Variants in NPFFR2 observed in about 807,000 individuals in gnomAD.
NPFFR2 encodes neuropeptide FF receptor 2.
NPFFR2 carries 15 observed loss-of-function variants against 13.1 expected under a neutral mutation model. The observed-to-expected ratio is 1.15, with a 90% CI of 0.77 to 1.76. NPFFR2 has a LOEUF of 1.76. NPFFR2 is among the 40% of genes most tolerant of loss of function. The probability of loss-of-function intolerance (pLI) is 0.00; values close to 1 mark genes in which losing one functional copy is unlikely to be tolerated. For missense variants in NPFFR2, 572 were observed against 503.5 expected, an observed-to-expected ratio of 1.14 and a Z score of -1.30; for synonymous variants, 190 against 175.7, an observed-to-expected ratio of 1.08 and a Z score of -0.65.
At chr4:72,098,299 A>T (rs1454514113) in intron 1 of NPFFR2, among the ~76,000 whole-genome samples, 1 of 152,202 alleles carries the variant, frequency 6.6e-6, no homozygotes, top group Non-Finnish European at 1.5e-5. Context: ...GTAAAAAGAG[A>T]TAAAATGGTA....
intron 1 of NPFFR2, among the ~76,000 whole-genome samples, chr4:72,123,264 C>T (rs1721942416): frequency 6.6e-6 from 1 of 152,118 alleles, no homozygotes; most frequent in African/African-American, 2.4e-5. Flanking sequence ...GAAACTGAGG[C>T]AGTAATTAAT....
At chr4:72,061,620 G>A (rs184543093) in intron 1 of NPFFR2, among the ~76,000 whole-genome samples, 1 of 152,182 alleles carries the variant, frequency 6.6e-6, no homozygotes, top group East Asian at 1.9e-4. Flanking sequence ...CCTGACATAT[G>A]TATTTCTTTG....
At chr4:72,106,279 T>A (rs905155319) in intron 1 of NPFFR2, among the ~76,000 whole-genome samples, 7 of 152,112 alleles carry the variant, frequency 4.6e-5, no homozygotes, top group Admixed American at 2.0e-4. Context: ...GAAGGAGAGT[T>A]GGTGTCACTC....
At chr4:72,045,262 A>G (rs948213782) in intron 1 of NPFFR2, among the ~76,000 whole-genome samples, 2 of 152,176 alleles carry the variant, frequency 1.3e-5, no homozygotes, top group African/African-American at 4.8e-5. Flanking sequence ...GCAGGATTGA[A>G]TGATATTCTA....
In NPFFR2 at chr4:72,128,843, C is replaced by T; in HGVS notation, c.252C>T (p.Ile84=). The T allele has an allele frequency of 6.2e-7, 1 of 1,614,018 alleles. No homozygotes were observed. Among genetic ancestry groups the T allele is most frequent in the Non-Finnish European group, 8.5e-7 (1 of 1,179,908 alleles). The part of the protein sequence containing the change: ...KHMHTVTNLF[I]LNLAISDLLV... ...TGCACACAGTCACTAATCTCTTCAT[C>T]TTAAACCTGGCCATAAGTGATTTAC... Residue 84 remains isoleucine, a synonymous_variant, in exon 2 of 4, where the codon ATC becomes ATT. Coordinates refer to ENST00000308744, the MANE Select transcript of NPFFR2 (RefSeq NM_004885.3).
At chr4:72,032,495 C>T (rs1718951815) in intron 1 of NPFFR2, among the ~76,000 whole-genome samples, 1 of 152,160 alleles carries the variant, frequency 6.6e-6, no homozygotes, top group African/African-American at 2.4e-5. Context: ...AAGCCCTCTC[C>T]GGGGCTGTAT....
At chr4:72,146,154 G>C (rs542354674) in intron 3 of NPFFR2, among the ~76,000 whole-genome samples, 21 of 152,246 alleles carry the variant, frequency 1.4e-4, no homozygotes, top group African/African-American at 5.1e-4. Flanking sequence ...ATGATTTTGT[G>C]GGTTAATTGG....
At chr4:72,065,343 A>G (rs1720034471) in intron 1 of NPFFR2, among the ~76,000 whole-genome samples, 1 of 152,182 alleles carries the variant, frequency 6.6e-6, no homozygotes, top group Non-Finnish European at 1.5e-5. Flanking sequence ...TAATGAATGC[A>G]AATATGTAAA....
Position 72,147,819 on chromosome 4 carries a change from C to T in NPFFR2, c.*7C>T. 6.6e-7 allele frequency: 1 copy of T among 1,520,762 alleles called. No individual in the cohort carries two copies. Among genetic ancestry groups the T allele is most frequent in the South Asian group, 1.3e-5 (1 of 77,582 alleles). 94.2% of individuals were successfully genotyped at this position (1,520,762 alleles called of 1,614,324 possible). Reference sequence around the variant, plus strand: ...TAACAGCAGTGAGATTTAAAAAGAGCTAGTGTGATAATCCTAACTCTACTA... The same window carrying T: ...TAACAGCAGTGAGATTTAAAAAGAGTTAGTGTGATAATCCTAACTCTACTA... On this transcript the variant is annotated 3_prime_UTR_variant, in exon 4 of 4. Coordinates refer to ENST00000308744, the MANE Select transcript of NPFFR2 (RefSeq NM_004885.3).
chr4:72,139,435 G>T (rs4694465), intron 3 of NPFFR2, among the ~76,000 whole-genome samples: 1 of 151,912 alleles, frequency 6.6e-6, no homozygotes, highest in African/African-American at 2.4e-5. Flanking sequence ...TAATTTTTGT[G>T]TGAGGTATAA....
At chr4:72,108,712 A>G (rs1364996883) in intron 1 of NPFFR2, among the ~76,000 whole-genome samples, 1 of 152,054 alleles carries the variant, frequency 6.6e-6, no homozygotes, top group Non-Finnish European at 1.5e-5. Flanking sequence ...AATAGGGACT[A>G]TGAATAAAAT....
chr4:72,067,686 T>C (rs1720114249), intron 1 of NPFFR2, among the ~76,000 whole-genome samples: 1 of 152,224 alleles, frequency 6.6e-6, no homozygotes, highest in Admixed American at 6.5e-5. Flanking sequence ...GCACCCTGAA[T>C]ACTTTGCTTA....
rs191061376 is a variant in NPFFR2 at position 72,096,667 on chromosome 4, A to G, written c.-7-31918A>G. ...TGTATGATTTTAATGAAATTTACCAACCTGGGGATTGTGACAACTAATTAA... is the reference window on the plus strand; with the variant it reads ...TGTATGATTTTAATGAAATTTACCAGCCTGGGGATTGTGACAACTAATTAA... On this transcript the variant is annotated intron_variant, in intron 1 of 3. Coordinates refer to ENST00000308744, the MANE Select transcript of NPFFR2 (RefSeq NM_004885.3). Among the ~76,000 whole-genome samples, 691 of 152,188 alleles carry G rather than the reference A, an allele frequency of 4.5e-3. 3 individuals carry two copies. The highest frequency in any genetic ancestry group is 0.016 in the African/African-American group (662 of 41,574).
At position 72,147,029 on chromosome 4, in the gene NPFFR2, G is replaced by A. The variant is rs916800338; in HGVS notation, c.480G>A (p.Ala160=). The A allele has an allele frequency of 1.8e-5, 29 of 1,613,906 alleles. No homozygotes were observed. Among genetic ancestry groups the A allele is most frequent in the Middle Eastern group, 1.6e-4 (1 of 6,082 alleles). Residue 160 remains alanine (A), a synonymous_variant, in exon 4 of 4, where the codon GCG becomes GCA. Transcript: ENST00000308744. ...AACCAAAGCTCACTATCAAGACAGC[G>A]TTTGTCATTATTATGATCATCTGGG... The part of the protein sequence containing the change: ...PFKPKLTIKT[A]FVIIMIIWVL...
rs193223846 is a variant in NPFFR2 at position 72,039,602 on chromosome 4, T to C, written c.-8+7402T>C. Among the ~76,000 whole-genome samples the C allele has an allele frequency of 5.4e-3, 829 of 152,328 alleles. 5 individuals carry two copies. Among genetic ancestry groups the C allele is most frequent in the African/African-American group, 0.019 (796 of 41,564 alleles). ...GTTATGGATAAAATTCAATTCTAAA[T>C]GGCTGTATATAATATACCGTGATAT... On this transcript the variant is annotated intron_variant, in intron 1 of 3. Transcript: ENST00000308744.
chr4:72,061,783 C>T (rs764093632), intron 1 of NPFFR2, among the ~76,000 whole-genome samples: 5 of 151,664 alleles, frequency 3.3e-5, no homozygotes, highest in Admixed American at 6.6e-5. Flanking sequence ...GGGCCTGTTG[C>T]GGGGTGGGAG....
intron 1 of NPFFR2, among the ~76,000 whole-genome samples, chr4:72,125,689 T>C (rs1722018739): frequency 6.6e-6 from 1 of 152,186 alleles, no homozygotes; most frequent in Non-Finnish European, 1.5e-5. Flanking sequence ...CTTTTAATCT[T>C]TAAAGCCAGC....
chr4:72,087,837 C>T (rs1001982849), intron 1 of NPFFR2, among the ~76,000 whole-genome samples: 2 of 151,874 alleles, frequency 1.3e-5, no homozygotes, highest in African/African-American at 2.4e-5. Context: ...ACATTTTTTT[C>T]ATGGTAGCAA....
intron 1 of NPFFR2, among the ~76,000 whole-genome samples, chr4:72,059,360 G>T (rs1719855949): frequency 6.6e-6 from 1 of 152,048 alleles, no homozygotes. Context: ...TTTTTGACTA[G>T]TTTGATAATT....
Sources: gnomAD v4.1 joint callset for allele counts (sites outside exome capture counted in the v4.1 genomes callset) on GRCh38, gnomAD v4.1.1 for gene constraint, MANE v1.5 for transcripts, NCBI Gene and HGNC (gene_info 2026-07-23, HGNC 2026-07-21) for gene names.